Variants in NTMT2 observed in about 807,000 individuals in gnomAD.
NTMT2 encodes the protein X-Pro-Lys N-terminal protein methyltransferase 1B.
NTMT2 carries 21 observed loss-of-function variants against 23.4 expected under a neutral mutation model. The observed-to-expected ratio is 0.90, with a 90% CI of 0.64 to 1.29. NTMT2 has a LOEUF of 1.29. Among genes scored for constraint, NTMT2 ranks in the 50% most tolerant of loss-of-function variants. NTMT2 has a pLI of 0.00. For synonymous variants in NTMT2, 131 were observed against 127.7 expected, an observed-to-expected ratio of 1.03 and a Z score of -0.17; for missense variants, 336 against 352.0, an observed-to-expected ratio of 0.95 and a Z score of 0.36.
intron 2 of NTMT2, among the ~76,000 whole-genome samples, chr1:170,163,775 C>T (rs1045668789): frequency 5.3e-5 from 8 of 152,114 alleles, no homozygotes; most frequent in Admixed American, 1.3e-4. Context: ...ACTGAAATTC[C>T]TAATAGTGTT....
Position 170,167,574 on chromosome 1 carries a change from T to C in NTMT2, c.669T>C (p.Asn223=). 1 of 1,551,638 alleles carries C rather than the reference T, an allele frequency of 6.4e-7. No individual in the cohort carries two copies. The highest frequency in any genetic ancestry group is 8.7e-7 in the Non-Finnish European group (1 of 1,146,986). The part of the protein sequence containing the change: ...KENGIIILKD[N]VAREGCILDL... ...ATGGCATCATCATATTGAAGGACAA[T>C]GTGGCCCGGGAGGGCTGTATCCTTG... The change falls in exon 4 of 4, where the codon AAT becomes AAC. Residue 223 remains asparagine (N), a synonymous_variant. Coordinates refer to ENST00000439373, the MANE Select transcript of NTMT2 (RefSeq NM_001136107.2).
chr1:170,166,474 C>G, intron 2 of NTMT2, 28 bp from the exon 3 acceptor site: 1 of 1,551,744 alleles, frequency 6.4e-7, no homozygotes, highest in South Asian at 1.2e-5. Flanking sequence ...GGTCTCTGTA[C>G]TTGAAATATC....
chr1:170,150,276 T>C (rs1031710896), intron 1 of NTMT2, among the ~76,000 whole-genome samples: 1 of 152,134 alleles, frequency 6.6e-6, no homozygotes, highest in Non-Finnish European at 1.5e-5. Flanking sequence ...GCTTCAGAGA[T>C]TCATGGAATA....
In NTMT2 at chr1:170,146,197, T is replaced by G. The variant is rs752707847; in HGVS notation, c.90T>G (p.Leu30=). 6.4e-7 allele frequency: 1 copy of G among 1,551,206 alleles called. No homozygotes were observed. Among genetic ancestry groups the G allele is most frequent in the African/African-American group, 1.4e-5 (1 of 72,920 alleles). ...GTAGACATAGCATGTCTTTTATCCT[T>G]CACAAAGCCATTCGCAATGACTTCT... ...ELCRHSMSFI[L]HKAIRNDFFQ... The change falls in exon 1 of 4, where the codon CTT becomes CTG. Residue 30 remains leucine (L), a synonymous_variant. Coordinates refer to ENST00000439373, the MANE Select transcript of NTMT2 (RefSeq NM_001136107.2).
At chr1:170,147,133 A>G (rs190770179) in intron 1 of NTMT2, among the ~76,000 whole-genome samples, 7 of 152,342 alleles carry the variant, frequency 4.6e-5, no homozygotes, top group African/African-American at 1.4e-4. Flanking sequence ...CGAAGCAGCT[A>G]CATAATTCTT....
rs977544860 is a variant in NTMT2 at position 170,166,577 on chromosome 1, T to C, written c.406T>C (p.Leu136=). ...AGGAAGGGTCAGCAAACACGTCTTA[T>C]TGCCTGTTTTCAACAGTGTGGAGCT... ...GIGRVSKHVL[L]PVFNSVELVD... The change falls in exon 3 of 4, where the codon TTG becomes CTG. Residue 136 remains leucine, a synonymous_variant. Transcript: ENST00000439373. 12 of 1,552,194 alleles carry C rather than the reference T, an allele frequency of 7.7e-6. No homozygotes were observed. In the African/African-American group the frequency reaches 9.6e-5, roughly 12 times the overall value.
intron 2 of NTMT2, among the ~76,000 whole-genome samples, chr1:170,166,170 C>T (rs1470003764): frequency 4.3e-5 from 5 of 115,686 alleles, no homozygotes; most frequent in Admixed American, 2.5e-4. Context: ...GACGGAGTCT[C>T]GCTCTGTGGC....
intron 2 of NTMT2, among the ~76,000 whole-genome samples, chr1:170,163,368 A>G (rs1175210747): frequency 6.6e-6 from 1 of 152,230 alleles, no homozygotes; most frequent in Non-Finnish European, 1.5e-5. Flanking sequence ...CTGCGAAAAG[A>G]AGATTGTTTA....
chr1:170,160,931 T>C (rs1042854722), intron 2 of NTMT2, among the ~76,000 whole-genome samples: 1 of 152,192 alleles, frequency 6.6e-6, no homozygotes, highest in African/African-American at 2.4e-5. Context: ...CAACTAATCT[T>C]ACATGCTTCA....
At chr1:170,160,249 C>G (rs1052234209) in intron 1 of NTMT2, among the ~76,000 whole-genome samples, 1 of 152,154 alleles carries the variant, frequency 6.6e-6, no homozygotes, top group Admixed American at 6.5e-5. Flanking sequence ...GTTTATTCAA[C>G]TATAGAGTTA....
intron 1 of NTMT2, among the ~76,000 whole-genome samples, chr1:170,151,884 T>A (rs998079548): frequency 1.3e-5 from 2 of 152,180 alleles, no homozygotes; most frequent in African/African-American, 4.8e-5. Context: ...TCGATATAAA[T>A]GTTTTGCATA....
intron 2 of NTMT2, among the ~76,000 whole-genome samples, chr1:170,164,717 A>G (rs531195136): frequency 1.3e-5 from 2 of 152,360 alleles, no homozygotes; most frequent in African/African-American, 4.8e-5. Context: ...CAAGGGAATC[A>G]GAGGTGACAT....
chr1:170,164,954 CT>C (rs1673343520), intron 2 of NTMT2, among the ~76,000 whole-genome samples: 1 of 152,154 alleles, frequency 6.6e-6, no homozygotes, highest in Non-Finnish European at 1.5e-5. Flanking sequence ...AATTCCTTCA[CT>C]TTTTGTTCTT....
intron 2 of NTMT2, among the ~76,000 whole-genome samples, chr1:170,163,658 T>G (rs1438820599): frequency 6.6e-6 from 1 of 152,224 alleles, no homozygotes; most frequent in African/African-American, 2.4e-5. Flanking sequence ...TATTTTATAG[T>G]TTTTACACAG....
At chr1:170,155,733 A>T (rs1014152464) in intron 1 of NTMT2, among the ~76,000 whole-genome samples, 1 of 152,092 alleles carries the variant, frequency 6.6e-6, no homozygotes, top group African/African-American at 2.4e-5. Context: ...AAAAGAGGAT[A>T]CTCAGCAGAG....
intron 1 of NTMT2, among the ~76,000 whole-genome samples, chr1:170,153,263 G>A (rs1673103918): frequency 6.6e-6 from 1 of 152,122 alleles, no homozygotes; most frequent in Admixed American, 6.5e-5. Context: ...ATAGACAATT[G>A]GTACTGATGA....
intron 1 of NTMT2, among the ~76,000 whole-genome samples, chr1:170,157,540 A>G (rs1007920612): frequency 7.9e-5 from 12 of 152,200 alleles, no homozygotes; most frequent in African/African-American, 2.9e-4. Flanking sequence ...TAGATGGAAC[A>G]TAGTCATAGT....
At chr1:170,154,175 G>C (rs994764962) in intron 1 of NTMT2, among the ~76,000 whole-genome samples, 6 of 152,102 alleles carry the variant, frequency 3.9e-5, no homozygotes, top group African/African-American at 1.4e-4. Flanking sequence ...CAAGAGTAGT[G>C]GAGGCTGCCA....
intron 2 of NTMT2, among the ~76,000 whole-genome samples, chr1:170,164,294 C>T (rs933115239): frequency 5.9e-5 from 9 of 152,056 alleles, no homozygotes; most frequent in Admixed American, 5.2e-4. Flanking sequence ...CTTCTGAAAC[C>T]ACTTACTACA....
Sources: allele counts gnomAD v4.1 joint callset (sites outside exome capture counted in the v4.1 genomes callset), GRCh38; gene constraint gnomAD v4.1.1; transcripts MANE v1.5; gene names NCBI Gene and HGNC (gene_info 2026-07-23, HGNC 2026-07-21).